The following ERG variants were observed in gnomAD, a reference collection of about 807,000 sequenced individuals.
ERG encodes transcriptional regulator ERG.
A neutral mutation model predicts 55.3 loss-of-function variants in ERG; 9 were observed. That is an observed-to-expected ratio of 0.16 (90% CI 0.10 to 0.28). The LOEUF is 0.28. Among genes scored for constraint, ERG ranks in the 10% least tolerant of loss-of-function variants. The pLI is 1.00. For synonymous variants in ERG, 223 were observed against 237.3 expected (o/e 0.94, Z 0.55); for missense variants, 434 against 631.6 (o/e 0.69, Z 3.35).
chr21:38,390,572 T>C (rs1987926530), intron 9 of ERG, among the ~76,000 whole-genome samples: 1 of 152,102 alleles, frequency 6.6e-6, no homozygotes. Flanking sequence ...GAGATGATGA[T>C]GAGAAGAGAC....
chr21:38,531,212 G>A (rs2059669886), intron 2 of ERG, among the ~76,000 whole-genome samples: 2 of 151,246 alleles, frequency 1.3e-5, no homozygotes, highest in Admixed American at 6.6e-5. Context: ...GGAATGACAA[G>A]GCGTCATTAT....
At chr21:38,599,770 G>C (rs559412350) in intron 1 of ERG, among the ~76,000 whole-genome samples, 6 of 152,314 alleles carry the variant, frequency 3.9e-5, no homozygotes, top group African/African-American at 1.2e-4. Flanking sequence ...GGAAAGTCTG[G>C]TGCCTGAGGA....
chr21:38,524,734 CTG>C (rs1306432661), intron 2 of ERG, among the ~76,000 whole-genome samples: 5 of 152,078 alleles, frequency 3.3e-5, no homozygotes, highest in Non-Finnish European at 7.4e-5. Flanking sequence ...AAGTGGTTAA[CTG>C]TTTAAAAAAA....
intron 1 of ERG, chr21:38,471,736 T>C (rs1429567194): frequency 1.3e-5 from 2 of 152,216 alleles, no homozygotes. Flanking sequence ...ATCAAAAGTC[T>C]GAGAATTTGT....
At chr21:38,393,618 A>G (rs1409567171) in intron 6 of ERG, among the ~76,000 whole-genome samples, 2 of 152,202 alleles carry the variant, frequency 1.3e-5, no homozygotes, top group Non-Finnish European at 2.9e-5. Flanking sequence ...TTTGTTTAAA[A>G]CCAGCAATTT....
intron 2 of ERG, among the ~76,000 whole-genome samples, chr21:38,548,095 G>A (rs889055946): frequency 6.6e-6 from 1 of 151,556 alleles, no homozygotes; most frequent in Admixed American, 6.6e-5. Context: ...ATTTCTTCTA[G>A]CCCGTAAGGT....
At chr21:38,560,114 TTG>T (rs1372728632) in intron 2 of ERG, among the ~76,000 whole-genome samples, 1 of 152,152 alleles carries the variant, frequency 6.6e-6, no homozygotes. Flanking sequence ...TATACAGATT[TTG>T]TGAGTGAAGG....
intron 6 of ERG, 121 bp downstream of exon 6, chr21:38,400,453 T>C (rs1161212229): frequency 1.2e-6 from 1 of 820,480 alleles, no homozygotes; most frequent in Non-Finnish European, 2.2e-6. Flanking sequence ...AATAAGACTG[T>C]CTGGGACTGG....
At chr21:38,638,675 C>T (rs144560421) in intron 1 of ERG, among the ~76,000 whole-genome samples, 281 of 152,220 alleles carry the variant, frequency 1.8e-3, no homozygotes, top group African/African-American at 5.2e-3. Context: ...AAGGGAAAGG[C>T]AATTTGCAAC....
chr21:38,386,679 G>T (rs574666995), intron 9 of ERG, among the ~76,000 whole-genome samples: 15 of 152,280 alleles, frequency 9.9e-5, no homozygotes, highest in Admixed American at 2.6e-4. Context: ...TCACTCATGG[G>T]CCAAACCAGG....
At chr21:38,559,758 T>C (rs2059881451) in intron 2 of ERG, among the ~76,000 whole-genome samples, 1 of 152,190 alleles carries the variant, frequency 6.6e-6, no homozygotes, top group South Asian at 2.1e-4. Context: ...CTTGGCTCAC[T>C]GCACCCCCTG....
chr21:38,446,527 T>C (rs568925323), intron 1 of ERG, among the ~76,000 whole-genome samples: 57 of 152,302 alleles, frequency 3.7e-4, no homozygotes, highest in Middle Eastern at 6.8e-3. Context: ...TGTGCTGCAA[T>C]GACACAGAGC....
chr21:38,566,745 T>C (rs1270722309), intron 2 of ERG, among the ~76,000 whole-genome samples: 5 of 152,198 alleles, frequency 3.3e-5, no homozygotes, highest in Non-Finnish European at 5.9e-5. Flanking sequence ...TAAATATTTA[T>C]CGATTATCTA....
chr21:38,489,117 G>A (rs1254892968), intron 1 of ERG, among the ~76,000 whole-genome samples: 1 of 152,216 alleles, frequency 6.6e-6, no homozygotes, highest in African/African-American at 2.4e-5. Context: ...AACGCAGGAA[G>A]TATCTGTCTA....
chr21:38,557,667 A>G (rs1239982661), intron 2 of ERG, among the ~76,000 whole-genome samples: 1 of 152,196 alleles, frequency 6.6e-6, no homozygotes, highest in South Asian at 2.1e-4. Flanking sequence ...AAGAGTGACA[A>G]TTTAGATGTA....
At chr21:38,425,407 G>T (rs1203706614) in intron 2 of ERG, among the ~76,000 whole-genome samples, 1 of 151,444 alleles carries the variant, frequency 6.6e-6, no homozygotes, top group African/African-American at 2.4e-5. Context: ...AGGAAAGAAA[G>T]AAAGAAAGAG....
At chr21:38,397,855 C>T (rs891945084) in intron 6 of ERG, among the ~76,000 whole-genome samples, 5 of 152,092 alleles carry the variant, frequency 3.3e-5, no homozygotes, top group Admixed American at 2.0e-4. Flanking sequence ...TATAATGAAA[C>T]GGCCACCATG....
chr21:38,622,390 C>T (rs1341226307), intron 1 of ERG, among the ~76,000 whole-genome samples: 1 of 148,972 alleles, frequency 6.7e-6, no homozygotes, highest in African/African-American at 2.5e-5. Context: ...ACACACCACA[C>T]ACCACACACA....
chr21:38,442,366 G>T (rs1214866559), intron 2 of ERG, among the ~76,000 whole-genome samples: 2 of 152,188 alleles, frequency 1.3e-5, no homozygotes, highest in Non-Finnish European at 2.9e-5. Context: ...CTTCCCTGCA[G>T]CCTGGGTAAA....
Sources: gnomAD v4.1 joint callset for allele counts (sites outside exome capture counted in the v4.1 genomes callset) on GRCh38, gnomAD v4.1.1 for gene constraint, MANE v1.5 for transcripts, NCBI Gene and HGNC (gene_info 2026-07-23, HGNC 2026-07-21) for gene names.